The following PIAS1 variants were observed in gnomAD, a reference collection of about 807,000 sequenced individuals.
PIAS1 encodes the protein E3 SUMO-protein ligase PIAS1.
PIAS1 carries 6 observed loss-of-function variants against 71.3 expected under a neutral mutation model. That is an observed-to-expected ratio of 0.08 (90% CI 0.05 to 0.17). The LOEUF (loss-of-function observed/expected upper bound fraction) is 0.17. Ranked by LOEUF, PIAS1 falls within the 10% of genes least tolerant of loss-of-function variation. The pLI is 1.00. For synonymous variants in PIAS1, 303 were observed against 292.9 expected (o/e 1.03, Z -0.35); for missense variants, 555 against 793.6 (o/e 0.70, Z 3.61).
At chr15:68,076,217 A>G (rs1344545465) in intron 1 of PIAS1, among the ~76,000 whole-genome samples, 1 of 152,268 alleles carries the variant, frequency 6.6e-6, no homozygotes, top group East Asian at 1.9e-4. Flanking sequence ...TTACCTTAAG[A>G]TAGGGGAATC....
chr15:68,141,887 C>CT, intron 2 of PIAS1, 59 bp from the exon 3 acceptor site: 1 of 953,294 alleles, frequency 1.0e-6, no homozygotes, highest in Non-Finnish European at 1.6e-6. Flanking sequence ...TTTTTTTTTG[C>CT]TTTTGTCTTT....
chr15:68,055,407 C>T (rs2091884770), intron 1 of PIAS1, among the ~76,000 whole-genome samples: 1 of 152,070 alleles, frequency 6.6e-6, no homozygotes, highest in African/African-American at 2.4e-5. Context: ...AAGGGTGCCC[C>T]CTTTTCCCCG....
At chr15:68,169,028 T>C (rs1361516978) in intron 8 of PIAS1, among the ~76,000 whole-genome samples, 1 of 152,196 alleles carries the variant, frequency 6.6e-6, no homozygotes, top group East Asian at 1.9e-4. Context: ...AATCTTTATT[T>C]CTTATCATCT....
At chr15:68,106,137 C>T (rs2092466568) in intron 2 of PIAS1, among the ~76,000 whole-genome samples, 1 of 151,852 alleles carries the variant, frequency 6.6e-6, no homozygotes, top group African/African-American at 2.4e-5. Flanking sequence ...GATTTTTATA[C>T]TCTTAATTTG....
chr15:68,187,240 C>T lies in PIAS1; in HGVS notation c.1663-302C>T, dbSNP rs2093093827. ...CATGGACTGTCTGCCCCTCCTGCTG[C>T]TTCTGAGCATATGCTTCTTGGGAAA... On this transcript the variant is annotated intron_variant, in intron 13 of 13. Transcript: ENST00000249636. This position sits in a 1 kb window ranked among gnomAD's most constrained non-coding sequence, Gnocchi z 5.3. Among the ~76,000 whole-genome samples, 1 of 152,144 alleles carries T rather than the reference C, an allele frequency of 6.6e-6. No individual in the cohort carries two copies. Among genetic ancestry groups the T allele is most frequent in the Non-Finnish European group, 1.5e-5 (1 of 68,040 alleles).
chr15:68,077,849 AC>A (rs2092185952), intron 1 of PIAS1, among the ~76,000 whole-genome samples: 1 of 152,138 alleles, frequency 6.6e-6, no homozygotes, highest in Non-Finnish European at 1.5e-5. Context: ...GTTCAGTACC[AC>A]CCCTCTAGGA....
At chr15:68,110,803 G>A (rs1451314330) in intron 2 of PIAS1, among the ~76,000 whole-genome samples, 1 of 152,138 alleles carries the variant, frequency 6.6e-6, no homozygotes, top group Admixed American at 6.5e-5. Flanking sequence ...ATCTAGTTTA[G>A]TAGAGAGGGG....
At chr15:68,064,985 T>C (rs1371100418) in intron 1 of PIAS1, among the ~76,000 whole-genome samples, 3 of 152,118 alleles carry the variant, frequency 2.0e-5, no homozygotes, top group Non-Finnish European at 4.4e-5. Context: ...GCTCCAGTGA[T>C]CGCCTGCCTC....
rs763968532 is a variant in PIAS1 at position 68,054,356 on chromosome 15, G to T, written c.24+6G>T. ...CGGACAGTGCGGAACTAAAGGTAAA[G>T]CGCAGCTCGAATTCACTTCTAATAT... On this transcript the variant is annotated splice_donor_region_variant and intron_variant, in intron 1 of 13. Coordinates refer to ENST00000249636, the MANE Select transcript of PIAS1 (RefSeq NM_016166.3). This position sits in a 1 kb window ranked among gnomAD's most constrained non-coding sequence, Gnocchi z 4.6. 7.0e-6 allele frequency: 11 copies of T among 1,574,124 alleles called. No homozygotes were observed. Among genetic ancestry groups the T allele is most frequent in the Admixed American group, 1.8e-5 (1 of 54,602 alleles).
chr15:68,084,853 A>G (rs1041212073), intron 1 of PIAS1, among the ~76,000 whole-genome samples: 3 of 152,188 alleles, frequency 2.0e-5, no homozygotes, highest in African/African-American at 7.2e-5. Flanking sequence ...CAGATGCGAA[A>G]AGTGGCCTTT....
rs773732067 is a variant in PIAS1, at chr15:68,054,319, G to A, written c.-8G>A. ...GAAGTTCACTGCGCTTGCGCTGACAGACGCAAGATGGCGGACAGTGCGGAA... is the reference window on the plus strand; with the variant it reads ...GAAGTTCACTGCGCTTGCGCTGACAAACGCAAGATGGCGGACAGTGCGGAA... On this transcript the variant is annotated 5_prime_UTR_variant, in exon 1 of 14. Transcript: ENST00000249636. The surrounding 1 kb of genome is among the most constrained non-coding windows in gnomAD (Gnocchi z 4.6). 3.8e-6 allele frequency: 6 copies of A among 1,568,648 alleles called. No individual in the cohort carries two copies. The African/African-American group carries it at 5.4e-5, about 14-fold the overall frequency.
intron 1 of PIAS1, chr15:68,055,113 T>G: frequency 1.1e-5 from 7 of 630,244 alleles, no homozygotes; most frequent in Non-Finnish European, 9.9e-6. Context: ...GGAAGCAGTG[T>G]TGGGAGGGGG....
intron 2 of PIAS1, among the ~76,000 whole-genome samples, chr15:68,099,597 C>T (rs1174686791): frequency 6.6e-6 from 1 of 151,558 alleles, no homozygotes; most frequent in Non-Finnish European, 1.5e-5. Context: ...CTTGTATGGA[C>T]ATAAGTTTTC....
intron 11 of PIAS1, among the ~76,000 whole-genome samples, chr15:68,179,600 A>T (rs1239195254): frequency 6.6e-5 from 2 of 30,328 alleles, no homozygotes; most frequent in Non-Finnish European, 1.4e-4. Flanking sequence ...TTTGAGACAG[A>T]GTTTCACTCT....
intron 8 of PIAS1, among the ~76,000 whole-genome samples, chr15:68,168,332 T>G (rs1179009007): frequency 6.6e-6 from 1 of 152,164 alleles, no homozygotes; most frequent in African/African-American, 2.4e-5. Context: ...ATGTCACACT[T>G]TTTCCTTTCC....
chr15:68,123,686 TACTC>T (rs1056876416), intron 2 of PIAS1, among the ~76,000 whole-genome samples: 8 of 152,184 alleles, frequency 5.3e-5, no homozygotes, highest in African/African-American at 1.9e-4. Context: ...AATTTAAAAT[TACTC>T]AGAGCCACAT....
chr15:68,079,854 CAG>C (rs1422538498), intron 1 of PIAS1, among the ~76,000 whole-genome samples: 5 of 151,726 alleles, frequency 3.3e-5, no homozygotes, highest in South Asian at 4.2e-4. Flanking sequence ...TTTTTTGAGA[CAG>C]AGTTTCGCTG....
Position 68,159,803 on chromosome 15 carries a change from A to G in PIAS1, c.935-4928A>G, listed in dbSNP as rs182749753. The stretch of plus-strand genomic sequence containing the variant: ...TTTACATTTTGCATATGGATACCTC[A>G]GTTTTGTAGACATATGTTTTCATTT... On this transcript the variant is annotated intron_variant, in intron 7 of 13. Transcript: ENST00000249636. 2.3e-3 allele frequency among the ~76,000 whole-genome samples: 348 copies of G among 152,258 alleles called. 1 individual carries two copies. Among genetic ancestry groups the G allele is most frequent in the Non-Finnish European group, 2.1e-3 (144 of 67,976 alleles).
chr15:68,128,376 A>T (rs2092666893), intron 2 of PIAS1, among the ~76,000 whole-genome samples: 1 of 152,118 alleles, frequency 6.6e-6, no homozygotes, highest in Admixed American at 6.6e-5. Flanking sequence ...CTTGTTGCCC[A>T]GGCTTAAATG....
Sources: gnomAD v4.1 joint callset for allele counts (sites outside exome capture counted in the v4.1 genomes callset) on GRCh38, gnomAD v4.1.1 for gene constraint, Gnocchi (gnomAD v3.1) non-coding constraint, MANE v1.5 for transcripts, NCBI Gene and HGNC (gene_info 2026-07-23, HGNC 2026-07-21) for gene names.